MAGI2: variants seen among roughly 807,000 people sequenced by gnomAD.
MAGI2 encodes the protein membrane associated guanylate kinase, WW and PDZ domain containing 2.
In MAGI2, 35 loss-of-function variants were observed where a neutral mutation model predicts 133.3. The ratio of observed to expected loss-of-function variants is 0.26; its 90% CI spans 0.20 to 0.35. The LOEUF (loss-of-function observed/expected upper bound fraction) is 0.35. MAGI2 is among the 10% of genes least tolerant of loss of function. The pLI is 1.00. For missense variants in MAGI2, 1,636 were observed against 1,863.4 expected, an observed-to-expected ratio of 0.88 and a Z score of 2.25; for synonymous variants, 729 against 710.6, an observed-to-expected ratio of 1.03 and a Z score of -0.41.
chr7:78,784,871 AC>A (rs1392817443), intron 2 of MAGI2, among the ~76,000 whole-genome samples: 1 of 152,152 alleles, frequency 6.6e-6, no homozygotes, highest in African/African-American at 2.4e-5. Context: ...GTTGGCTGTG[AC>A]CCTAAGAAGG....
chr7:79,264,830 A>C (rs555802247), intron 1 of MAGI2, among the ~76,000 whole-genome samples: 39 of 152,138 alleles, frequency 2.6e-4, no homozygotes, highest in African/African-American at 7.5e-4. Context: ...TACAGAGGTC[A>C]CATGGCAAGA....
At chr7:78,604,205 T>G (rs994270921) in intron 3 of MAGI2, among the ~76,000 whole-genome samples, 1 of 152,010 alleles carries the variant, frequency 6.6e-6, no homozygotes. Flanking sequence ...CAGGGAAGTA[T>G]GAACAGGAAA....
intron 1 of MAGI2, among the ~76,000 whole-genome samples, chr7:79,355,255 G>T (rs1203951864): frequency 6.6e-6 from 1 of 152,184 alleles, no homozygotes; most frequent in African/African-American, 2.4e-5. Context: ...TTCCCCTGGG[G>T]AGCAAGGCTA....
chr7:78,053,476 G>GA (rs1328402414), intron 21 of MAGI2, among the ~76,000 whole-genome samples: 1 of 152,230 alleles, frequency 6.6e-6, no homozygotes, highest in East Asian at 1.9e-4. Context: ...TGTGTGGACA[G>GA]ACTGGCTATG....
intron 9 of MAGI2, among the ~76,000 whole-genome samples, chr7:78,319,879 A>G (rs1017056011): frequency 1.3e-5 from 2 of 152,128 alleles, no homozygotes; most frequent in Non-Finnish European, 2.9e-5. Flanking sequence ...GACCACTAAC[A>G]AGACTAATAA....
At chr7:78,995,620 T>C (rs190469197) in intron 2 of MAGI2, among the ~76,000 whole-genome samples, 2 of 152,304 alleles carry the variant, frequency 1.3e-5, no homozygotes, top group Admixed American at 6.5e-5. Context: ...TTCTTCACAA[T>C]AAATATACAT....
intron 2 of MAGI2, among the ~76,000 whole-genome samples, chr7:78,645,982 G>T (rs555828676): frequency 2.0e-4 from 31 of 152,224 alleles, no homozygotes; most frequent in African/African-American, 6.7e-4. Context: ...CAAGTGAGTT[G>T]CCCGCCTTGG....
At chr7:78,346,115 T>G in intron 7 of MAGI2, 72 bp from the exon 8 acceptor site, 1 of 1,558,512 alleles carries the variant, frequency 6.4e-7, no homozygotes, top group Non-Finnish European at 8.7e-7. Context: ...TATGGCTCTA[T>G]GGAGAGCAGG....
intron 15 of MAGI2, among the ~76,000 whole-genome samples, chr7:78,162,278 C>A (rs1422056598): frequency 6.6e-6 from 1 of 151,482 alleles, no homozygotes; most frequent in East Asian, 1.9e-4. Context: ...GTAATCCCAG[C>A]ACTTTGGGAG....
chr7:79,352,120 G>A (rs149831573), intron 1 of MAGI2, among the ~76,000 whole-genome samples: 3 of 151,984 alleles, frequency 2.0e-5, no homozygotes, highest in Non-Finnish European at 4.4e-5. Context: ...ATGAAGCATC[G>A]TTATCTTTTG....
At chr7:78,271,664 C>A (rs1045556546) in intron 9 of MAGI2, among the ~76,000 whole-genome samples, 2 of 152,090 alleles carry the variant, frequency 1.3e-5, no homozygotes, top group African/African-American at 4.8e-5. Flanking sequence ...GATTTGACTT[C>A]TTCCTGGTTT....
chr7:78,979,187 C>A (rs991981202), intron 2 of MAGI2, among the ~76,000 whole-genome samples: 1 of 151,696 alleles, frequency 6.6e-6, no homozygotes, highest in Non-Finnish European at 1.5e-5. Flanking sequence ...AATGACACCC[C>A]AGTAGTAATG....
intron 3 of MAGI2, among the ~76,000 whole-genome samples, chr7:78,526,575 A>G (rs1332378502): frequency 6.6e-6 from 1 of 152,194 alleles, no homozygotes; most frequent in Non-Finnish European, 1.5e-5. Context: ...CTTTGTAATC[A>G]ATGCCTGCAA....
chr7:78,499,380 GT>G (rs1479666075), intron 5 of MAGI2, among the ~76,000 whole-genome samples: 1 of 152,116 alleles, frequency 6.6e-6, no homozygotes, highest in African/African-American at 2.4e-5. Context: ...TTCAGAAATT[GT>G]TGACCAAGTG....
intron 1 of MAGI2, among the ~76,000 whole-genome samples, chr7:79,247,615 ATACTAC>A (rs147074717): frequency 1.3e-5 from 2 of 151,834 alleles, no homozygotes; most frequent in African/African-American, 4.8e-5. Flanking sequence ...ACTGTCTGAA[ATACTAC>A]TACTACTACT....
chr7:79,333,367 C>T (rs1306572590), intron 1 of MAGI2, among the ~76,000 whole-genome samples: 4 of 152,100 alleles, frequency 2.6e-5, no homozygotes, highest in Admixed American at 2.6e-4. Flanking sequence ...ACCTCTTGAT[C>T]CGCCTGCTTC....
rs1321823706 is a variant in MAGI2, at chr7:78,382,872, G to C, written c.1046-13659C>G. On this transcript the variant is annotated intron_variant, in intron 6 of 21. Coordinates refer to ENST00000354212, the MANE Select transcript of MAGI2 (RefSeq NM_012301.4). ...GAGGACATATGATATTTGTCTTTTT[G>C]TGCTGGCTTACTCCACGTAAGATAA... 1.2e-4 allele frequency among the ~76,000 whole-genome samples: 18 copies of C among 151,696 alleles called. 1 individual carries two copies. The highest frequency in any genetic ancestry group is 1.2e-3 in the Admixed American group (18 of 15,202).
chr7:78,448,129 T>C (rs1168174506), intron 6 of MAGI2, among the ~76,000 whole-genome samples: 3 of 152,080 alleles, frequency 2.0e-5, no homozygotes, highest in African/African-American at 4.8e-5. Flanking sequence ...ATAGATTCCA[T>C]TGTGTATATG....
At chr7:78,358,193 AAAAATATATATATAT>A (rs1792335822) in intron 7 of MAGI2, 2 of 33,552 alleles carry the variant, frequency 6.0e-5, no homozygotes, top group African/African-American at 1.6e-4. Flanking sequence ...AAAAAAAAAA[AAAAATATATATATAT>A]ATATATATAT....
Sources: allele counts gnomAD v4.1 joint callset (sites outside exome capture counted in the v4.1 genomes callset), GRCh38; gene constraint gnomAD v4.1.1; transcripts MANE v1.5; gene names NCBI Gene and HGNC (gene_info 2026-07-23, HGNC 2026-07-21).